The following ARID1B variants were observed in gnomAD, a reference collection of about 807,000 sequenced individuals.
ARID1B encodes the protein AT-rich interaction domain 1B.
Under a neutral mutation model 212.3 loss-of-function variants are expected in ARID1B, and 30 were observed. That is an observed-to-expected ratio of 0.14 (90% confidence interval 0.11 to 0.19). The LOEUF is 0.19. ARID1B is among the 10% of genes least tolerant of loss of function. The pLI is 1.00. For synonymous variants in ARID1B, 1,402 were observed against 1,301.7 expected (o/e 1.08, Z -1.66); for missense variants, 2,891 against 3,204.0 (o/e 0.90, Z 2.36).
intron 3 of ARID1B, among the ~76,000 whole-genome samples, chr6:156,915,929 A>T (rs1790319444): frequency 6.6e-6 from 1 of 151,326 alleles, no homozygotes; most frequent in Admixed American, 6.6e-5. Context: ...TTTTTTAACC[A>T]AATTCCTCTC....
chr6:156,968,478 A>G (rs1012825399), intron 4 of ARID1B, among the ~76,000 whole-genome samples: 2 of 152,214 alleles, frequency 1.3e-5, no homozygotes, highest in Non-Finnish European at 2.9e-5. Flanking sequence ...GGAAAATGTA[A>G]ATTAAGCCTT....
intron 6 of ARID1B, among the ~76,000 whole-genome samples, chr6:157,129,277 A>G (rs894408281): frequency 6.6e-6 from 1 of 152,348 alleles, no homozygotes; most frequent in Non-Finnish European, 1.5e-5. Context: ...TACCCACTGC[A>G]GTCCATTTAT....
intron 1 of ARID1B, among the ~76,000 whole-genome samples, chr6:156,782,483 G>C (rs1160796283): frequency 6.6e-6 from 1 of 152,034 alleles, no homozygotes; most frequent in East Asian, 1.9e-4. Flanking sequence ...ACGCACATAG[G>C]TTTTATGATG....
At position 156,778,307 on chromosome 6, in the gene ARID1B, G is replaced by A. The variant is rs970100458; in HGVS notation, c.627G>A (p.Gln209=). ...AGCAGCAGCAACAGCAGCAGCAGCAGCAGCAGCAACAGCAACATCCCATTT... is the reference window on the plus strand; with the variant it reads ...AGCAGCAGCAACAGCAGCAGCAGCAACAGCAGCAACAGCAACATCCCATTT... ...QQQQQQQQQQ[Q]QQQQQHPISN... The change falls in exon 1 of 20, where the codon CAG becomes CAA. Residue 209 remains glutamine (Q), a synonymous_variant. Transcript: ENST00000636930. The A allele has an allele frequency of 2.6e-6, 4 of 1,545,286 alleles. 1 individual carries two copies. The Admixed American group carries it at 5.9e-5, about 23-fold the overall frequency.
chr6:156,880,805 T>C (rs1787018893), intron 2 of ARID1B, among the ~76,000 whole-genome samples: 1 of 149,804 alleles, frequency 6.7e-6, no homozygotes, highest in Non-Finnish European at 1.5e-5. Context: ...TTTTGGTGGA[T>C]GTTAGTTATT....
At chr6:157,067,266 A>T (rs1307768276) in intron 4 of ARID1B, among the ~76,000 whole-genome samples, 1 of 152,246 alleles carries the variant, frequency 6.6e-6, no homozygotes, top group Admixed American at 6.5e-5. Context: ...ACCAAGTTCG[A>T]GTCACAAAGC....
At chr6:156,987,734 C>A (rs1046775954) in intron 4 of ARID1B, among the ~76,000 whole-genome samples, 1 of 152,138 alleles carries the variant, frequency 6.6e-6, no homozygotes, top group Admixed American at 6.6e-5. Flanking sequence ...TTAATATATT[C>A]TCATACTTGA....
chr6:156,779,184 C>G lies in ARID1B; in HGVS notation c.1504C>G (p.Leu502Val). The part of the protein sequence containing the change: ...NQHPSGATPT[L>V]NQLLTSPSPM... ...GCACCCGTCGGGGGCCACCCCGACC[C>G]TCAATCAGCTGCTCACCTCGCCCAG... is the stretch of plus-strand genomic sequence containing the variant. Residue 502 changes from leucine to valine, a missense_variant, in exon 1 of 20, where the codon CTC becomes GTC. Coordinates refer to ENST00000636930, the MANE Select transcript of ARID1B (RefSeq NM_001374828.1). 1 of 1,343,018 alleles carries G rather than the reference C, an allele frequency of 7.4e-7. No individual in the cohort carries two copies. Among genetic ancestry groups the G allele is most frequent in the Non-Finnish European group, 9.6e-7 (1 of 1,039,010 alleles). The allele number at this position is 1,343,018 out of a possible 1,614,324, so 83.2% of individuals were successfully genotyped here.
Position 156,901,861 on chromosome 6 carries a change from G to A in ARID1B, c.2136+336G>A. 4 of 297,820 alleles carry A rather than the reference G, an allele frequency of 1.3e-5. No individual in the cohort carries two copies. The South Asian group carries it at 2.0e-4, about 15-fold the overall frequency. The allele number at this position is 297,820 out of a possible 1,614,324, so 18.4% of individuals were successfully genotyped here. On this transcript the variant is annotated intron_variant, in intron 3 of 19. Coordinates refer to ENST00000636930, the MANE Select transcript of ARID1B (RefSeq NM_001374828.1). ...CTTTGTTAAGGCTTATTCAGGAGAA[G>A]GATTTTATCAATCATTTAATCCTTC...
chr6:156,786,946 CTT>C (rs373597720), intron 1 of ARID1B, among the ~76,000 whole-genome samples: 9 of 128,846 alleles, frequency 7.0e-5, no homozygotes, highest in Non-Finnish European at 6.6e-5. Flanking sequence ...ATTTGGCCTG[CTT>C]TTTTTTTTTT....
intron 4 of ARID1B, among the ~76,000 whole-genome samples, chr6:157,066,135 A>C (rs1783663421): frequency 6.6e-6 from 1 of 152,360 alleles, no homozygotes; most frequent in Middle Eastern, 3.4e-3. Flanking sequence ...TCACATGAAA[A>C]TGTGAGAGGG....
chr6:157,171,514 T>C (rs1008842001), intron 9 of ARID1B, among the ~76,000 whole-genome samples: 4 of 152,184 alleles, frequency 2.6e-5, no homozygotes, highest in African/African-American at 9.7e-5. Context: ...AAGTCAAAAA[T>C]AAGCATTTAA....
chr6:156,813,664 A>G (rs1327674434), intron 1 of ARID1B, among the ~76,000 whole-genome samples: 2 of 152,164 alleles, frequency 1.3e-5, no homozygotes, highest in African/African-American at 4.8e-5. Context: ...ACAGGGTTAA[A>G]CTGATATGCA....
intron 2 of ARID1B, among the ~76,000 whole-genome samples, chr6:156,879,013 A>G (rs1786818370): frequency 6.6e-6 from 1 of 152,232 alleles, no homozygotes; most frequent in African/African-American, 2.4e-5. Context: ...TGATGTAGGT[A>G]GGACAGTTAG....
At chr6:157,010,278 GTTTTTTTTT>G (rs367851681) in intron 4 of ARID1B, among the ~76,000 whole-genome samples, 26 of 102,272 alleles carry the variant, frequency 2.5e-4, no homozygotes, top group African/African-American at 5.1e-4. Flanking sequence ...TGCATTGCCT[GTTTTTTTTT>G]TTTTTTTTTT....
At chr6:156,979,165 A>G (rs758389772) in intron 4 of ARID1B, among the ~76,000 whole-genome samples, 1 of 152,238 alleles carries the variant, frequency 6.6e-6, no homozygotes, top group Non-Finnish European at 1.5e-5. Context: ...ACCAGGTGAC[A>G]GAGTCATTTG....
At chr6:156,976,047 A>C (rs1777220434) in intron 4 of ARID1B, among the ~76,000 whole-genome samples, 1 of 151,868 alleles carries the variant, frequency 6.6e-6, no homozygotes, top group Non-Finnish European at 1.5e-5. Flanking sequence ...AGGACGGGGG[A>C]ATATCATAAA....
intron 2 of ARID1B, among the ~76,000 whole-genome samples, chr6:156,844,947 C>G (rs768455509): frequency 6.6e-6 from 1 of 152,188 alleles, no homozygotes; most frequent in Non-Finnish European, 1.5e-5. Flanking sequence ...TGCACTTCCT[C>G]TCAAGATGGT....
intron 4 of ARID1B, among the ~76,000 whole-genome samples, chr6:157,074,076 C>T (rs1340278964): frequency 5.3e-5 from 8 of 152,166 alleles, no homozygotes; most frequent in Middle Eastern, 3.2e-3. Context: ...AAAAAGAAGA[C>T]TGTTATGATA....
Sources: allele counts gnomAD v4.1 joint callset (sites outside exome capture counted in the v4.1 genomes callset), GRCh38; gene constraint gnomAD v4.1.1; transcripts MANE v1.5; gene names NCBI Gene and HGNC (gene_info 2026-07-23, HGNC 2026-07-21).